METAP1: variants seen among roughly 807,000 people sequenced by gnomAD.
The protein encoded by METAP1 is methionine aminopeptidase 1.
A neutral mutation model predicts 53.8 loss-of-function variants in METAP1; 28 were observed. That is an observed-to-expected ratio of 0.52 (90% CI 0.39 to 0.71). METAP1 has a LOEUF of 0.71. Ranked by LOEUF, METAP1 falls within the 30% of genes least tolerant of loss-of-function variation. The pLI is 0.00. For missense variants in METAP1, 389 were observed against 479.8 expected (o/e 0.81, Z 1.77); for synonymous variants, 181 against 165.7 (o/e 1.09, Z -0.71).
At chr4:99,036,425 A>G (rs1725428020) in intron 4 of METAP1, among the ~76,000 whole-genome samples, 1 of 152,088 alleles carries the variant, frequency 6.6e-6, no homozygotes, top group South Asian at 2.1e-4. Context: ...TTTTAGAAAA[A>G]CAATCATAGA....
intron 1 of METAP1, among the ~76,000 whole-genome samples, chr4:99,017,209 G>A (rs899786889): frequency 1.3e-5 from 2 of 152,216 alleles, no homozygotes; most frequent in Non-Finnish European, 2.9e-5. Context: ...TGACTCATGA[G>A]CAAGCTTTTG....
chr4:99,029,835 A>G (rs766576918), intron 2 of METAP1, among the ~76,000 whole-genome samples: 2 of 152,180 alleles, frequency 1.3e-5, no homozygotes, highest in Non-Finnish European at 2.9e-5. Context: ...ATTTGAAGGA[A>G]CAGGGAAATA....
chr4:99,007,343 G>A (rs931600605), intron 1 of METAP1, among the ~76,000 whole-genome samples: 1 of 152,170 alleles, frequency 6.6e-6, no homozygotes, highest in African/African-American at 2.4e-5. Context: ...TGGTGGTTCT[G>A]TTCCTAGCAG....
At chr4:98,999,436 G>C (rs924738127) in intron 1 of METAP1, among the ~76,000 whole-genome samples, 7 of 149,974 alleles carry the variant, frequency 4.7e-5, no homozygotes, top group African/African-American at 1.5e-4. Flanking sequence ...TAAACTTAAT[G>C]AATGTTAGCT....
chr4:99,045,169 T>G lies in METAP1; in HGVS notation c.656-10T>G, dbSNP rs1726131278. On this transcript the variant is annotated splice_polypyrimidine_tract_variant and intron_variant, in intron 7 of 10. Coordinates refer to ENST00000296411, the MANE Select transcript of METAP1 (RefSeq NM_015143.3). ...AAGTATGGTCTTTATATTTGCACAT[T>G]CTCTTGCAGTGGATATCACTCTTTA... 1 of 1,611,722 alleles carries G rather than the reference T, an allele frequency of 6.2e-7. No homozygotes were observed. The highest frequency in any genetic ancestry group is 1.3e-5 in the African/African-American group (1 of 74,902).
chr4:99,002,959 A>C (rs145158105), intron 1 of METAP1, among the ~76,000 whole-genome samples: 1 of 152,096 alleles, frequency 6.6e-6, no homozygotes, highest in Non-Finnish European at 1.5e-5. Context: ...CCCAGCTACT[A>C]CTCAGGAGGC....
At chr4:99,054,493 C>T (rs1417943093) in intron 9 of METAP1, among the ~76,000 whole-genome samples, 1 of 152,158 alleles carries the variant, frequency 6.6e-6, no homozygotes, top group Non-Finnish European at 1.5e-5. Flanking sequence ...CAAACTTCCT[C>T]CATAACAGCA....
chr4:99,033,016 A>T (rs914887930), intron 2 of METAP1, among the ~76,000 whole-genome samples: 2 of 152,180 alleles, frequency 1.3e-5, no homozygotes, highest in Non-Finnish European at 2.9e-5. Context: ...CATTCTTGTC[A>T]GTTGTACCTT....
At chr4:99,037,052 G>T (rs1489458468) in intron 4 of METAP1, among the ~76,000 whole-genome samples, 1 of 151,708 alleles carries the variant, frequency 6.6e-6, no homozygotes, top group Non-Finnish European at 1.5e-5. Flanking sequence ...ATTTTAATCT[G>T]CATTTTAAAA....
chr4:99,026,280 T>C, intron 1 of METAP1: 1 of 984,820 alleles, frequency 1.0e-6, no homozygotes, highest in South Asian at 4.7e-5. Flanking sequence ...AAGTTTTACC[T>C]ACTAGTTATA....
chr4:99,053,312 C>T (rs998628504), intron 9 of METAP1, among the ~76,000 whole-genome samples: 1 of 152,160 alleles, frequency 6.6e-6, no homozygotes, highest in Non-Finnish European at 1.5e-5. Context: ...TGCAGTGGCA[C>T]GATCTCAGCT....
rs1446221575 is a variant in METAP1 at position 99,061,871 on chromosome 4, C to T, written c.*554C>T. 1 of 152,162 alleles carries T rather than the reference C, an allele frequency of 6.6e-6. No homozygotes were observed. Among genetic ancestry groups the T allele is most frequent in the African/African-American group, 2.4e-5 (1 of 41,410 alleles). 9.4% of individuals were successfully genotyped at this position (152,162 alleles called of 1,614,324 possible). ...ATTTAATTCCTGGTTGGGATTTGGC[C>T]TCCCCTCTCCCCCATGCTAATTATT... On this transcript the variant is annotated 3_prime_UTR_variant, in exon 11 of 11. Transcript: ENST00000296411.
intron 1 of METAP1, among the ~76,000 whole-genome samples, chr4:99,003,995 G>A (rs6832697): frequency 0.014 from 2,061 of 152,314 alleles, 40 homozygotes; most frequent in African/African-American, 0.047. Flanking sequence ...TCAAGTTGGG[G>A]TTCTCATGGC....
At chr4:99,007,623 C>T (rs974859799) in intron 1 of METAP1, among the ~76,000 whole-genome samples, 2 of 151,802 alleles carry the variant, frequency 1.3e-5, no homozygotes, top group Non-Finnish European at 2.9e-5. Flanking sequence ...AACTACGTTC[C>T]ACCATTCCTA....
chr4:99,008,315 C>G (rs766983028), intron 1 of METAP1, among the ~76,000 whole-genome samples: 1 of 152,030 alleles, frequency 6.6e-6, no homozygotes, highest in Non-Finnish European at 1.5e-5. Flanking sequence ...AAGGAAGAGT[C>G]CAAGTACAGA....
At chr4:99,010,984 A>G (rs796790772) in intron 1 of METAP1, among the ~76,000 whole-genome samples, 1 of 151,958 alleles carries the variant, frequency 6.6e-6, no homozygotes, top group East Asian at 1.9e-4. Flanking sequence ...GTTAGTGTAT[A>G]GAAATGCAAC....
intron 4 of METAP1, among the ~76,000 whole-genome samples, chr4:99,036,782 A>G (rs1285692143): frequency 6.6e-6 from 1 of 152,070 alleles, no homozygotes; most frequent in Non-Finnish European, 1.5e-5. Context: ...ATTTGTTGCA[A>G]TTTGACTGCA....
Position 99,043,366 on chromosome 4 carries a change from C to A in METAP1, c.634C>A (p.Gln212Lys). Residue 212 changes from glutamine (Q) to lysine (K), a missense_variant, in exon 7 of 11, where the codon CAA (glutamine) becomes AAA (lysine). Gln to Lys is a moderately conservative substitution (Grantham distance 53, BLOSUM62 1). Coordinates refer to ENST00000296411, the MANE Select transcript of METAP1 (RefSeq NM_015143.3). ...TGGAATACCAGACAGAAGGCCCTTA[C>A]AAGAAGGTGACATTGTTAATGGTAA... The part of the protein sequence containing the change: ...CHGIPDRRPL[Q>K]EGDIVNVDIT... The A allele has an allele frequency of 1.9e-6, 3 of 1,601,270 alleles. No individual in the cohort carries two copies. Among genetic ancestry groups the A allele is most frequent in the Non-Finnish European group, 2.6e-6 (3 of 1,173,474 alleles).
Position 99,062,726 on chromosome 4 carries a change from T to G in METAP1, c.*1409T>G, listed in dbSNP as rs1269100347. On this transcript the variant is annotated 3_prime_UTR_variant, in exon 11 of 11. Coordinates refer to ENST00000296411, the MANE Select transcript of METAP1 (RefSeq NM_015143.3). ...TGTGTGTGAAGTTTTTATCAAACTG[T>G]AATATTTGTGAATGGAATGCCTTGC... 1 of 152,650 alleles carries G rather than the reference T, an allele frequency of 6.6e-6. No homozygotes were observed. The highest frequency in any genetic ancestry group is 2.4e-5 in the African/African-American group (1 of 41,452). The allele number at this position is 152,650 out of a possible 1,614,324, so 9.5% of individuals were successfully genotyped here.
Sources: gnomAD v4.1 joint callset for allele counts (sites outside exome capture counted in the v4.1 genomes callset) on GRCh38, gnomAD v4.1.1 for gene constraint, MANE v1.5 for transcripts, NCBI Gene and HGNC (gene_info 2026-07-23, HGNC 2026-07-21) for gene names.